The following LRP1B variants were observed in gnomAD, a reference collection of about 807,000 sequenced individuals.
LRP1B encodes the protein LDL receptor related protein 1B.
A neutral mutation model predicts 556.6 loss-of-function variants in LRP1B; 217 were observed. The observed-to-expected ratio is 0.39, with a 90% CI of 0.35 to 0.44. The LOEUF is 0.44. Among genes scored for constraint, LRP1B ranks in the 20% least tolerant of loss-of-function variants. The probability of loss-of-function intolerance (pLI) is 1.00; values close to 1 mark genes in which losing one functional copy is unlikely to be tolerated. For synonymous variants in LRP1B, 2,047 were observed against 1,865.8 expected, an observed-to-expected ratio of 1.10 and a Z score of -2.50; for missense variants, 5,053 against 5,620.8, an observed-to-expected ratio of 0.90 and a Z score of 3.23.
At chr2:140,846,178 T>C (rs1384644242) in intron 29 of LRP1B, among the ~76,000 whole-genome samples, 1 of 152,212 alleles carries the variant, frequency 6.6e-6, no homozygotes, top group African/African-American at 2.4e-5. Flanking sequence ...AGTGGGATAC[T>C]ATCTACAAAG....
rs1348734290 is a variant in LRP1B at position 140,605,944 on chromosome 2, C to G, written c.6800-4305G>C. Among the ~76,000 whole-genome samples the G allele has an allele frequency of 2.6e-5, 4 of 151,918 alleles. No homozygotes were observed. In the South Asian group the frequency reaches 8.3e-4, roughly 32 times the overall value. ...TTTCCCTCAAAGACCAGGACCAAAGCAAACATGTCCACTTTTGCCTTTATT... is the reference window on the plus strand; with the variant it reads ...TTTCCCTCAAAGACCAGGACCAAAGGAAACATGTCCACTTTTGCCTTTATT... On this transcript the variant is annotated intron_variant, in intron 41 of 90. Coordinates refer to ENST00000389484, the MANE Select transcript of LRP1B (RefSeq NM_018557.3).
intron 3 of LRP1B, among the ~76,000 whole-genome samples, chr2:141,424,409 G>C (rs1680273449): frequency 6.6e-6 from 1 of 152,126 alleles, no homozygotes. Flanking sequence ...ACCGCACCCG[G>C]CCTCATCTTC....
At chr2:142,029,267 A>G (rs1445637561) in intron 1 of LRP1B, among the ~76,000 whole-genome samples, 1 of 151,920 alleles carries the variant, frequency 6.6e-6, no homozygotes, top group Admixed American at 6.6e-5. Flanking sequence ...ATGAGATATC[A>G]CTGCCCATTT....
intron 3 of LRP1B, among the ~76,000 whole-genome samples, chr2:141,285,118 G>C (rs1477030021): frequency 7.5e-6 from 1 of 133,838 alleles, no homozygotes; most frequent in African/African-American, 2.9e-5. Context: ...TTTTTTTTGA[G>C]ACGGAGTCTT....
intron 6 of LRP1B, among the ~76,000 whole-genome samples, chr2:141,205,170 G>A (rs1355915313): frequency 2.6e-5 from 4 of 152,016 alleles, no homozygotes; most frequent in African/African-American, 7.3e-5. Flanking sequence ...AATAAATTTA[G>A]ATGTTTGTTA....
intron 2 of LRP1B, among the ~76,000 whole-genome samples, chr2:141,660,546 C>G (rs1232012780): frequency 6.6e-6 from 1 of 152,152 alleles, no homozygotes; most frequent in Admixed American, 6.5e-5. Flanking sequence ...TGTACCACAG[C>G]AGCTGTGGCA....
chr2:140,293,235 A>G (rs1332006129), intron 84 of LRP1B, among the ~76,000 whole-genome samples: 1 of 152,176 alleles, frequency 6.6e-6, no homozygotes. Flanking sequence ...TTATCATTTA[A>G]TCACAAATAA....
chr2:141,412,597 G>A (rs1690895221), intron 3 of LRP1B, among the ~76,000 whole-genome samples: 1 of 152,062 alleles, frequency 6.6e-6, no homozygotes, highest in Non-Finnish European at 1.5e-5. Flanking sequence ...AACAAGAAAA[G>A]TTTCTACTTG....
intron 2 of LRP1B, among the ~76,000 whole-genome samples, chr2:141,678,329 A>C (rs1690966088): frequency 6.6e-6 from 1 of 152,170 alleles, no homozygotes; most frequent in Admixed American, 6.6e-5. Flanking sequence ...AAATAGCCAT[A>C]ATATAAGGGA....
intron 1 of LRP1B, among the ~76,000 whole-genome samples, chr2:141,846,861 A>G (rs1247677653): frequency 6.6e-6 from 1 of 151,448 alleles, no homozygotes; most frequent in African/African-American, 2.4e-5. Flanking sequence ...TTTTTAAAAA[A>G]TTCTATAGGA....
chr2:141,128,103 C>T lies in LRP1B; in HGVS notation c.1013+60318G>A, dbSNP rs1052991852. The stretch of plus-strand genomic sequence containing the variant: ...TCAAGAGATCCTCCTGCCTCAGGCT[C>T]CCAAAGGATGTTAAGATTCCAGCCA... On this transcript the variant is annotated intron_variant, in intron 7 of 90. Coordinates refer to ENST00000389484, the MANE Select transcript of LRP1B (RefSeq NM_018557.3). Among the ~76,000 whole-genome samples the T allele has an allele frequency of 9.2e-5, 14 of 152,188 alleles. No individual in the cohort carries two copies. The South Asian group carries it at 2.3e-3, about 25-fold the overall frequency.
chr2:141,073,125 C>T (rs1699690884), intron 7 of LRP1B, among the ~76,000 whole-genome samples: 1 of 152,068 alleles, frequency 6.6e-6, no homozygotes, highest in South Asian at 2.1e-4. Context: ...CCTTTTTCTC[C>T]ATGCTGCATT....
At chr2:140,633,816 C>T (rs567889446) in intron 41 of LRP1B, among the ~76,000 whole-genome samples, 1 of 152,212 alleles carries the variant, frequency 6.6e-6, no homozygotes, top group South Asian at 2.1e-4. Flanking sequence ...CAATAATTTT[C>T]TGAGAAAGAA....
chr2:140,517,773 C>A (rs1257574516), intron 49 of LRP1B, among the ~76,000 whole-genome samples: 1 of 146,058 alleles, frequency 6.8e-6, no homozygotes, highest in Non-Finnish European at 1.5e-5. Flanking sequence ...TGCAGTGGCA[C>A]AATCTTGGCT....
intron 1 of LRP1B, among the ~76,000 whole-genome samples, chr2:141,904,691 A>G (rs927950158): frequency 5.3e-5 from 8 of 151,956 alleles, no homozygotes; most frequent in African/African-American, 1.9e-4. Flanking sequence ...GAGAGAGGAT[A>G]GCTAGGAGGA....
chr2:141,817,849 G>A (rs1696612924), intron 1 of LRP1B, among the ~76,000 whole-genome samples: 1 of 152,040 alleles, frequency 6.6e-6, no homozygotes, highest in Non-Finnish European at 1.5e-5. Context: ...AAACTTTAAG[G>A]AAATATAAAT....
intron 32 of LRP1B, among the ~76,000 whole-genome samples, chr2:140,790,022 C>T (rs1276788401): frequency 6.6e-6 from 1 of 152,034 alleles, no homozygotes; most frequent in Non-Finnish European, 1.5e-5. Flanking sequence ...GATCTATGCT[C>T]AAATAGCATC....
rs1212313037 is a variant in LRP1B, at chr2:142,115,708, T to C, written c.82+14940A>G. ...TAATATATATGTAATATATATATAA[T>C]ATATATGTAATATATATATAATATA... On this transcript the variant is annotated intron_variant, in intron 1 of 90. Coordinates refer to ENST00000389484, the MANE Select transcript of LRP1B (RefSeq NM_018557.3). Among the ~76,000 whole-genome samples the C allele has an allele frequency of 9.4e-4, 19 of 20,234 alleles. 5 individuals are homozygous for C. The highest frequency in any genetic ancestry group is 2.6e-3 in the South Asian group (2 of 784). 13.3% of individuals were successfully genotyped at this position (20,234 alleles called of 152,430 possible).
At chr2:141,100,599 C>A (rs936111448) in intron 7 of LRP1B, among the ~76,000 whole-genome samples, 1 of 152,118 alleles carries the variant, frequency 6.6e-6, no homozygotes, top group Non-Finnish European at 1.5e-5. Flanking sequence ...GTAGAGATAT[C>A]TCAACAGAAT....
Sources: allele counts gnomAD v4.1 joint callset (sites outside exome capture counted in the v4.1 genomes callset), GRCh38; gene constraint gnomAD v4.1.1; transcripts MANE v1.5; gene names NCBI Gene and HGNC (gene_info 2026-07-23, HGNC 2026-07-21).